PALLD: variants seen among roughly 807,000 people sequenced by gnomAD.
The protein encoded by PALLD is palladin, cytoskeletal associated protein.
A neutral mutation model predicts 123.5 loss-of-function variants in PALLD; 61 were observed. That is an observed-to-expected ratio of 0.49 (90% CI 0.40 to 0.61). PALLD has a LOEUF of 0.61. PALLD is among the 20% of genes least tolerant of loss of function. The pLI is 0.00. For synonymous variants in PALLD, 465 were observed against 496.4 expected (o/e 0.94, Z 0.84); for missense variants, 1,273 against 1,377.0 (o/e 0.92, Z 1.20).
intron 21 of PALLD, 56 bp downstream of exon 21, chr4:168,925,334 A>G (rs1246294299): frequency 2.3e-6 from 3 of 1,320,070 alleles, no homozygotes; most frequent in Non-Finnish European, 3.3e-6. Context: ...TTTCTCTTAC[A>G]TTGGCTAGTT....
intron 10 of PALLD, among the ~76,000 whole-genome samples, chr4:168,833,296 C>G (rs1263576327): frequency 7.4e-6 from 1 of 135,428 alleles, no homozygotes; most frequent in Non-Finnish European, 1.6e-5. Context: ...ATCTTCCCAC[C>G]CTGCGGAGCC....
chr4:168,517,946 C>T (rs891558597), intron 2 of PALLD, among the ~76,000 whole-genome samples: 1 of 152,168 alleles, frequency 6.6e-6, no homozygotes, highest in African/African-American at 2.4e-5. Flanking sequence ...TGTGCATACA[C>T]TAAGCCTTTA....
intron 10 of PALLD, among the ~76,000 whole-genome samples, chr4:168,886,321 AT>A (rs1434311578): frequency 1.3e-5 from 2 of 152,228 alleles, no homozygotes; most frequent in African/African-American, 4.8e-5. Flanking sequence ...CTCAATAAAT[AT>A]TTGTCTAATC....
intron 2 of PALLD, chr4:168,598,676 G>T: frequency 2.9e-6 from 1 of 349,894 alleles, no homozygotes; most frequent in East Asian, 9.2e-5. Context: ...GTCATCTGCT[G>T]TAACTCTCTA....
At chr4:168,906,724 A>G (rs542824607) in intron 15 of PALLD, among the ~76,000 whole-genome samples, 2 of 152,308 alleles carry the variant, frequency 1.3e-5, no homozygotes, top group East Asian at 3.9e-4. Context: ...TCTTGGGCTC[A>G]AGCAGTCCTC....
At chr4:168,877,858 C>G (rs992412160) in intron 10 of PALLD, 2 of 1,399,524 alleles carry the variant, frequency 1.4e-6, no homozygotes, top group African/African-American at 3.0e-5. Flanking sequence ...TCCCCGAGCT[C>G]GCGGCCTGCA....
At chr4:168,523,379 T>C (rs1426380696) in intron 2 of PALLD, among the ~76,000 whole-genome samples, 1 of 152,144 alleles carries the variant, frequency 6.6e-6, no homozygotes, top group Admixed American at 6.5e-5. Flanking sequence ...TTCACCATTA[T>C]ATAGACATTA....
intron 1 of PALLD, among the ~76,000 whole-genome samples, chr4:168,499,723 C>T (rs138070784): frequency 5.3e-4 from 80 of 152,130 alleles, no homozygotes; most frequent in African/African-American, 1.8e-3. Flanking sequence ...CAACCATTTT[C>T]ATATATTTAT....
At chr4:168,922,970 C>T (rs979948524) in intron 18 of PALLD, among the ~76,000 whole-genome samples, 8 of 152,130 alleles carry the variant, frequency 5.3e-5, no homozygotes, top group African/African-American at 1.7e-4. Context: ...GCTATCTCTG[C>T]GACTTAGTTT....
chr4:168,824,817 CTTTT>C (rs148235431), intron 10 of PALLD, among the ~76,000 whole-genome samples: 11 of 97,862 alleles, frequency 1.1e-4, no homozygotes, highest in Non-Finnish European at 1.4e-4. Context: ...CAGATAAATT[CTTTT>C]TTTTTTTTTT....
intron 10 of PALLD, among the ~76,000 whole-genome samples, chr4:168,843,070 G>A (rs1746282533): frequency 6.6e-6 from 1 of 152,196 alleles, no homozygotes; most frequent in African/African-American, 2.4e-5. Context: ...CTAACCAGCT[G>A]TTAAGCATAA....
chr4:168,519,229 T>C (rs1216206685), intron 2 of PALLD, among the ~76,000 whole-genome samples: 2 of 152,324 alleles, frequency 1.3e-5, no homozygotes, highest in African/African-American at 4.8e-5. Flanking sequence ...GAGTCAACTG[T>C]GTTGGCAGTA....
At chr4:168,546,806 T>A (rs1217461571) in intron 2 of PALLD, among the ~76,000 whole-genome samples, 1 of 152,186 alleles carries the variant, frequency 6.6e-6, no homozygotes, top group African/African-American at 2.4e-5. Flanking sequence ...GGACCTCTCT[T>A]ATTTCCTGAA....
intron 10 of PALLD, among the ~76,000 whole-genome samples, chr4:168,782,370 T>TTAC (rs1370790366): frequency 3.3e-5 from 5 of 152,188 alleles, no homozygotes; most frequent in African/African-American, 1.2e-4. Flanking sequence ...TCTAGAAAAT[T>TTAC]AGTAGAGAAA....
chr4:168,832,134 G>C (rs1182918975), intron 10 of PALLD: 2 of 985,368 alleles, frequency 2.0e-6, no homozygotes, highest in African/African-American at 3.5e-5. Context: ...TCCGGACGCG[G>C]AATCGGGCAG....
chr4:168,898,592 G>A lies in PALLD; in HGVS notation c.2350G>A (p.Gly784Arg). 1 of 1,613,526 alleles carries A rather than the reference G, an allele frequency of 6.2e-7. No individual in the cohort carries two copies. The highest frequency in any genetic ancestry group is 1.3e-5 in the African/African-American group (1 of 75,028). Residue 784 changes from glycine to arginine, a missense_variant, in exon 14 of 22, where the codon GGA becomes AGA. By Grantham distance (125) the Gly-to-Arg change is moderately radical. Around this residue, in one of 2 missense-constraint regions of PALLD, gnomAD observed 944 missense variants for 954.5 expected, o/e 0.99. Transcript: ENST00000505667. ...VDESGDEVQY[G>R]DVPVENGMAP... ...TGAATCAGGTGATGAAGTTCAGTAT[G>A]GAGATGTGCCTGTGGAAAATGGAAT...
chr4:168,797,236 G>C (rs1282927579), intron 10 of PALLD, among the ~76,000 whole-genome samples: 1 of 152,132 alleles, frequency 6.6e-6, no homozygotes, highest in African/African-American at 2.4e-5. Context: ...TGATGCTTTC[G>C]AATGTTCATA....
intron 18 of PALLD, 107 bp from the exon 19 acceptor site, chr4:168,924,148 T>C: frequency 1.0e-6 from 1 of 960,822 alleles, no homozygotes; most frequent in Admixed American, 2.0e-5. Flanking sequence ...GAGTAAAAAA[T>C]GGTATCATAA....
chr4:168,617,193 T>C (rs1774311527), intron 2 of PALLD, among the ~76,000 whole-genome samples: 1 of 152,196 alleles, frequency 6.6e-6, no homozygotes, highest in Non-Finnish European at 1.5e-5. Flanking sequence ...CAACTCTCCA[T>C]TTCTTCTATA....
Sources: gnomAD v4.1 joint callset for allele counts (sites outside exome capture counted in the v4.1 genomes callset) on GRCh38, gnomAD v4.1.1 for gene constraint, gnomAD v4.1.1 regional missense constraint, MANE v1.5 for transcripts, NCBI Gene and HGNC (gene_info 2026-07-23, HGNC 2026-07-21) for gene names.